Variants in DCAF12 observed in about 807,000 individuals in gnomAD.
DCAF12 encodes DDB1- and CUL4-associated factor 12.
DCAF12 carries 28 observed loss-of-function variants against 52.8 expected under a neutral mutation model. The observed-to-expected ratio is 0.53, with a 90% CI of 0.39 to 0.73. The LOEUF is 0.73. Among genes scored for constraint, DCAF12 ranks in the 30% least tolerant of loss-of-function variants. The probability of loss-of-function intolerance (pLI) is 0.00; values close to 1 mark genes in which losing one functional copy is unlikely to be tolerated. For missense variants in DCAF12, 425 were observed against 552.2 expected (o/e 0.77, Z 2.31); for synonymous variants, 196 against 215.5 (o/e 0.91, Z 0.79).
chr9:34,112,703 A>G (rs970440617), intron 2 of DCAF12, among the ~76,000 whole-genome samples: 2 of 151,892 alleles, frequency 1.3e-5, no homozygotes, highest in Non-Finnish European at 2.9e-5. Context: ...GTTCGAGACC[A>G]GCCTGACCAA....
chr9:34,102,384 C>T (rs960767135), intron 4 of DCAF12, among the ~76,000 whole-genome samples: 2 of 152,038 alleles, frequency 1.3e-5, no homozygotes, highest in Admixed American at 1.3e-4. Flanking sequence ...AAACCCAGGC[C>T]GGGCACGGTG....
intron 4 of DCAF12, among the ~76,000 whole-genome samples, chr9:34,099,521 C>T (rs185386501): frequency 5.3e-5 from 8 of 152,010 alleles, no homozygotes; most frequent in South Asian, 2.1e-4. Flanking sequence ...CATGAGCCAC[C>T]GCGCCTTACT....
chr9:34,116,710 G>A (rs1172271013), intron 2 of DCAF12, among the ~76,000 whole-genome samples: 8 of 151,944 alleles, frequency 5.3e-5, no homozygotes, highest in African/African-American at 1.2e-4. Context: ...GGCCGGGCAC[G>A]GTGGCTCACG....
At chr9:34,121,810 G>C (rs1382176094) in intron 2 of DCAF12, among the ~76,000 whole-genome samples, 2 of 152,126 alleles carry the variant, frequency 1.3e-5, no homozygotes, top group Admixed American at 1.3e-4. Context: ...GGGTGTGGTG[G>C]CAGGTACCTG....
chr9:34,108,961 A>G (rs1016023748), intron 2 of DCAF12, among the ~76,000 whole-genome samples: 2 of 146,170 alleles, frequency 1.4e-5, no homozygotes, highest in Non-Finnish European at 3.0e-5. Context: ...ACAAATACAT[A>G]TATGTATTTT....
At chr9:34,103,541 A>T (rs1828862138) in intron 4 of DCAF12, among the ~76,000 whole-genome samples, 1 of 152,156 alleles carries the variant, frequency 6.6e-6, no homozygotes, top group Admixed American at 6.6e-5. Context: ...TATTATATCC[A>T]TAAAACAGAG....
chr9:34,088,774 C>T (rs1828599384), intron 8 of DCAF12, among the ~76,000 whole-genome samples: 1 of 152,080 alleles, frequency 6.6e-6, no homozygotes, highest in Non-Finnish European at 1.5e-5. Flanking sequence ...TTCTGTTTTC[C>T]CTCCACCTGC....
intron 8 of DCAF12, 48 bp from the exon 9 acceptor site, chr9:34,088,556 A>AG: frequency 6.2e-7 from 1 of 1,607,518 alleles, no homozygotes. Flanking sequence ...GCCATGGGGC[A>AG]GGAAAAGGGG....
Position 34,096,785 on chromosome 9 carries a change from C to T in DCAF12, c.796-4G>A. On this transcript the variant is annotated splice_polypyrimidine_tract_variant and splice_region_variant and intron_variant, in intron 5 of 8. Coordinates refer to ENST00000361264, the MANE Select transcript of DCAF12 (RefSeq NM_015397.4). The stretch of plus-strand genomic sequence containing the variant: ...CCAGAGACACTGCTCCCAGTTCCTA[C>T]AAGAGCAATGAAAACCAGGTTATAT... The T allele has an allele frequency of 6.2e-7, 1 of 1,613,508 alleles. No individual in the cohort carries two copies. The highest frequency in any genetic ancestry group is 1.1e-5 in the South Asian group (1 of 91,064).
In DCAF12 at chr9:34,108,807, A is replaced by AT. The variant is rs1442597415; in HGVS notation, c.334-1243_334-1242insA. 1.3e-3 allele frequency among the ~76,000 whole-genome samples: 175 copies of AT among 134,158 alleles called. 2 individuals carry two copies. Among genetic ancestry groups the AT allele is most frequent in the Admixed American group, 1.1e-3 (15 of 13,178 alleles). The allele number at this position is 134,158 out of a possible 152,430, so 88.0% of individuals were successfully genotyped here. ...AGACTTGGTCTCAAAAAAAATAAAT[A>AT]AATAAATATATATATATATATATGA... On this transcript the variant is annotated intron_variant, in intron 2 of 8. Transcript: ENST00000361264.
chr9:34,094,401 G>A (rs1828700161), intron 6 of DCAF12, among the ~76,000 whole-genome samples: 1 of 151,480 alleles, frequency 6.6e-6, no homozygotes, highest in African/African-American at 2.4e-5. Context: ...GTGAGACTCT[G>A]TCTCAAAAAA....
At position 34,126,530 on chromosome 9, in the gene DCAF12, T is replaced by C. The variant is rs1829254020; in HGVS notation, c.-99A>G. The C allele has an allele frequency of 3.7e-6, 5 of 1,337,672 alleles. No individual in the cohort carries two copies. Among genetic ancestry groups the C allele is most frequent in the African/African-American group, 3.0e-5 (2 of 66,774 alleles). 82.9% of individuals were successfully genotyped at this position (1,337,672 alleles called of 1,614,324 possible). ...ATACTGGGCCCCGGGGCCGCGCACC[T>C]TAGTGCGCCCGGCCCGGAAAATGGC... is the stretch of plus-strand genomic sequence containing the variant. On this transcript the variant is annotated 5_prime_UTR_variant, in exon 1 of 9. Coordinates refer to ENST00000361264, the MANE Select transcript of DCAF12 (RefSeq NM_015397.4).
intron 1 of DCAF12, 84 bp downstream of exon 1, chr9:34,126,270 G>C: frequency 6.5e-7 from 1 of 1,537,508 alleles, no homozygotes; most frequent in Non-Finnish European, 8.8e-7. Context: ...CCTGGACCCC[G>C]ATTCCCGTCG....
intron 4 of DCAF12, among the ~76,000 whole-genome samples, chr9:34,106,121 C>T (rs1250584861): frequency 6.6e-6 from 1 of 150,406 alleles, no homozygotes; most frequent in Non-Finnish European, 1.5e-5. Flanking sequence ...TCTACAGGGT[C>T]ACCCTCTGTC....
chr9:34,125,312 T>C (rs368982645), intron 1 of DCAF12, 35 bp from the exon 2 acceptor site: 5 of 1,609,706 alleles, frequency 3.1e-6, no homozygotes, highest in Non-Finnish European at 4.2e-6. Flanking sequence ...GGGCTTTGGC[T>C]ACTCTTCTTC....
At chr9:34,120,684 A>G (rs921148185) in intron 2 of DCAF12, among the ~76,000 whole-genome samples, 4 of 148,854 alleles carry the variant, frequency 2.7e-5, no homozygotes, top group East Asian at 3.9e-4. Context: ...AAAAAAAAAA[A>G]AAAGAAAACA....
chr9:34,114,656 A>C (rs1345649944), intron 2 of DCAF12, among the ~76,000 whole-genome samples: 2 of 152,158 alleles, frequency 1.3e-5, no homozygotes, highest in Non-Finnish European at 2.9e-5. Flanking sequence ...AGAAACTAGC[A>C]GCGCGGCAAG....
At chr9:34,125,422 A>C in intron 1 of DCAF12, 145 bp from the exon 2 acceptor site, 1 of 981,354 alleles carries the variant, frequency 1.0e-6, no homozygotes, top group Non-Finnish European at 1.5e-6. Context: ...AAGAATCTCA[A>C]TCCAGAAAGT....
At chr9:34,106,530 A>C in intron 3 of DCAF12, 36 bp from the exon 4 acceptor site, 1 of 1,534,856 alleles carries the variant, frequency 6.5e-7, no homozygotes, top group Non-Finnish European at 9.0e-7. Flanking sequence ...CAGGGAGGAA[A>C]ATAAGAAATT....
Sources: allele counts gnomAD v4.1 joint callset (sites outside exome capture counted in the v4.1 genomes callset), GRCh38; gene constraint gnomAD v4.1.1; transcripts MANE v1.5; gene names NCBI Gene and HGNC (gene_info 2026-07-23, HGNC 2026-07-21).